SLC30A8: variants seen among roughly 807,000 people sequenced by gnomAD.
The protein encoded by SLC30A8 is proton-coupled zinc antiporter SLC30A8.
In SLC30A8, 27 loss-of-function variants were observed where a neutral mutation model predicts 36.9. That is an observed-to-expected ratio of 0.73 (90% CI 0.54 to 1.01). SLC30A8 has a LOEUF of 1.01. Ranked by LOEUF, SLC30A8 falls within the 50% of genes least tolerant of loss-of-function variation. The pLI is 0.00. For synonymous variants in SLC30A8, 164 were observed against 172.4 expected (o/e 0.95, Z 0.38); for missense variants, 439 against 452.0 (o/e 0.97, Z 0.26).
intron 2 of SLC30A8, chr8:117,128,657 A>G (rs946544176): frequency 8.5e-5 from 13 of 152,096 alleles, no homozygotes; most frequent in Non-Finnish European, 1.8e-4. Context: ...AAAAATGTTA[A>G]AAGTTTTATT....
At chr8:116,995,534 G>A (rs1815785730) in intron 1 of SLC30A8, among the ~76,000 whole-genome samples, 1 of 152,038 alleles carries the variant, frequency 6.6e-6, no homozygotes. Flanking sequence ...CAGGTTGTGG[G>A]ATGTGTCCCT....
At chr8:117,167,068 TGCA>T (rs1336935464) in intron 6 of SLC30A8, among the ~76,000 whole-genome samples, 1 of 152,170 alleles carries the variant, frequency 6.6e-6, no homozygotes, top group Non-Finnish European at 1.5e-5. Context: ...AATGCTGAGC[TGCA>T]GCTGTTGTTG....
chr8:117,106,039 G>A (rs770370719), intron 2 of SLC30A8, among the ~76,000 whole-genome samples: 14 of 152,050 alleles, frequency 9.2e-5, no homozygotes, highest in Non-Finnish European at 1.8e-4. Context: ...CGTTGGACTG[G>A]TGATAGTATT....
intron 6 of SLC30A8, among the ~76,000 whole-genome samples, chr8:117,170,693 T>C (rs986740500): frequency 7.9e-5 from 12 of 152,266 alleles, no homozygotes; most frequent in Admixed American, 3.3e-4. Flanking sequence ...CCATGATTAT[T>C]TGATACCAAA....
chr8:117,097,788 ATT>A (rs1227085012), intron 2 of SLC30A8, among the ~76,000 whole-genome samples: 3 of 29,498 alleles, frequency 1.0e-4, no homozygotes, highest in Non-Finnish European at 1.2e-4. Context: ...AAATATATAT[ATT>A]ATATATAATA....
At chr8:116,998,818 A>AGACAG (rs1018318073) in intron 1 of SLC30A8, among the ~76,000 whole-genome samples, 74 of 152,328 alleles carry the variant, frequency 4.9e-4, no homozygotes, top group African/African-American at 1.7e-3. Context: ...GTTAGCAGAG[A>AGACAG]GACAGGAAGA....
intron 1 of SLC30A8, among the ~76,000 whole-genome samples, chr8:117,036,679 A>G (rs763469975): frequency 6.0e-4 from 91 of 152,124 alleles, no homozygotes; most frequent in Non-Finnish European, 1.1e-3. Context: ...ATGAGAACTC[A>G]CCCACTAACA....
At chr8:117,158,920 A>G (rs1443687111) in intron 4 of SLC30A8, among the ~76,000 whole-genome samples, 6 of 152,252 alleles carry the variant, frequency 3.9e-5, no homozygotes, top group African/African-American at 1.4e-4. Flanking sequence ...CTGTGCAAAT[A>G]TGATGAAGGA....
chr8:117,129,256 C>T (rs1256339724), intron 2 of SLC30A8, among the ~76,000 whole-genome samples: 2 of 152,008 alleles, frequency 1.3e-5, no homozygotes, highest in African/African-American at 2.4e-5. Flanking sequence ...AACTTTAGGA[C>T]TAGTCAGTGT....
In SLC30A8 at chr8:116,991,770, C is replaced by A. The variant is rs77719897; in HGVS notation, c.-266+40651C>A. ...TTGCTGATATTTGTCAGTACACATT[C>A]ATAATATTGGAATTTAAATTACTTT... On this transcript the variant is annotated intron_variant, in intron 1 of 10. Coordinates refer to the SLC30A8 transcript ENST00000427715. Among the ~76,000 whole-genome samples, 1,359 of 152,190 alleles carry A rather than the reference C, an allele frequency of 8.9e-3. 23 individuals are homozygous for A. Among genetic ancestry groups the A allele is most frequent in the African/African-American group, 0.03 (1,253 of 41,506 alleles).
intron 1 of SLC30A8, among the ~76,000 whole-genome samples, chr8:116,968,549 C>T (rs1293929817): frequency 1.3e-5 from 2 of 151,636 alleles, no homozygotes; most frequent in Non-Finnish European, 2.9e-5. Context: ...GGAAGATTGA[C>T]ATTCCATTGG....
intron 1 of SLC30A8, among the ~76,000 whole-genome samples, chr8:116,958,635 A>G (rs1281375273): frequency 1.3e-5 from 2 of 151,700 alleles, no homozygotes; most frequent in Non-Finnish European, 2.9e-5. Flanking sequence ...ATTATGATGT[A>G]CTTTGATGTG....
At chr8:117,022,414 C>CA (rs143017104) in intron 1 of SLC30A8, among the ~76,000 whole-genome samples, 2,012 of 151,878 alleles carry the variant, frequency 0.013, 49 homozygotes, top group African/African-American at 0.046. Context: ...GCAGAACAGG[C>CA]AAAAAAGAGG....
chr8:116,991,594 A>G (rs1004481603), intron 1 of SLC30A8, among the ~76,000 whole-genome samples: 3 of 152,148 alleles, frequency 2.0e-5, no homozygotes, highest in African/African-American at 7.2e-5. Flanking sequence ...GTGAGCCACC[A>G]TGCTCAGCCT....
chr8:117,103,113 G>A (rs1819799208), intron 2 of SLC30A8, among the ~76,000 whole-genome samples: 1 of 152,022 alleles, frequency 6.6e-6, no homozygotes, highest in Non-Finnish European at 1.5e-5. Context: ...GTATGGGTGA[G>A]AATCTGGGTA....
intron 1 of SLC30A8, among the ~76,000 whole-genome samples, chr8:117,020,068 G>C (rs1439975819): frequency 6.6e-6 from 1 of 152,216 alleles, no homozygotes; most frequent in East Asian, 1.9e-4. Context: ...GTCCGCCTCA[G>C]TGCAGGGCTC....
chr8:117,020,964 G>A (rs1816678634), intron 1 of SLC30A8, among the ~76,000 whole-genome samples: 1 of 152,118 alleles, frequency 6.6e-6, no homozygotes, highest in Admixed American at 6.6e-5. Flanking sequence ...ATGGAGAAAA[G>A]GGAGAGAAGT....
chr8:116,980,852 A>G (rs953646622), intron 1 of SLC30A8, among the ~76,000 whole-genome samples: 3 of 151,882 alleles, frequency 2.0e-5, no homozygotes, highest in Non-Finnish European at 4.4e-5. Context: ...TCACATATTA[A>G]TTATTATAAA....
intron 2 of SLC30A8, among the ~76,000 whole-genome samples, chr8:117,121,819 AGTTGCC>A (rs972461032): frequency 9.2e-5 from 14 of 151,898 alleles, no homozygotes; most frequent in African/African-American, 3.4e-4. Flanking sequence ...GTAGAATGAT[AGTTGCC>A]GGGGATTGTG....
Sources: gnomAD v4.1 joint callset for allele counts (sites outside exome capture counted in the v4.1 genomes callset) on GRCh38, gnomAD v4.1.1 for gene constraint, MANE v1.5 for transcripts, NCBI Gene and HGNC (gene_info 2026-07-23, HGNC 2026-07-21) for gene names.